NID2: variants seen among roughly 807,000 people sequenced by gnomAD.
NID2 encodes the protein nidogen-2.
In NID2, 83 loss-of-function variants were observed where a neutral mutation model predicts 145.4. The ratio of observed to expected loss-of-function variants is 0.57; its 90% CI spans 0.48 to 0.69. The LOEUF (loss-of-function observed/expected upper bound fraction) is 0.69, where lower values mean the gene tolerates loss of function less well. Among genes scored for constraint, NID2 ranks in the 30% least tolerant of loss-of-function variants. The probability of loss-of-function intolerance (pLI) is 0.00; values close to 1 mark genes in which losing one functional copy is unlikely to be tolerated. For synonymous variants in NID2, 739 were observed against 701.3 expected (o/e 1.05, Z -0.85); for missense variants, 1,807 against 1,765.7 (o/e 1.02, Z -0.42).
Position 52,063,772 on chromosome 14 carries a change from C to T in NID2, c.535-3416G>A, listed in dbSNP as rs545334925. ...AGTGTTTGCTGTGAACACTAACCTC[C>T]ATTCCTTAGTGTAGTTCTTCATCTC... is the stretch of plus-strand genomic sequence containing the variant. On this transcript the variant is annotated intron_variant, in intron 2 of 21. Transcript: ENST00000216286. Among the ~76,000 whole-genome samples the T allele has an allele frequency of 3.3e-5, 5 of 152,296 alleles. No homozygotes were observed. The East Asian group carries it at 9.7e-4, about 29-fold the overall frequency.
At chr14:52,011,083 C>T (rs763269503) in intron 17 of NID2, 36 bp from the exon 18 acceptor site, 1 of 1,601,444 alleles carries the variant, frequency 6.2e-7, no homozygotes, top group Non-Finnish European at 8.5e-7. Flanking sequence ...GGAGTGTTTG[C>T]AGGATATGGA....
Position 52,029,702 on chromosome 14 carries a change from GA to G in NID2, c.2258-13del. ...GGGGTCTGAATCCTCTGCATGAGTAGAGGGGAAATAAAAGCACAATCTGGCT... is the reference window on the plus strand; with the variant it reads ...GGGGTCTGAATCCTCTGCATGAGTAGGGGGAAATAAAAGCACAATCTGGCT... On this transcript the variant is annotated splice_polypyrimidine_tract_variant and intron_variant, in intron 9 of 21. Coordinates refer to ENST00000216286, the MANE Select transcript of NID2 (RefSeq NM_007361.4). The G allele has an allele frequency of 6.2e-7, 1 of 1,610,546 alleles. No individual in the cohort carries two copies.
chr14:52,029,737 G>A (rs1891732543), intron 9 of NID2, 47 bp from the exon 10 acceptor site: 1 of 1,565,120 alleles, frequency 6.4e-7, no homozygotes, highest in Non-Finnish European at 8.8e-7. Context: ...CTATTGGTAA[G>A]CAAATGTCAC....
At chr14:52,035,509 C>T (rs56021223) in intron 9 of NID2, among the ~76,000 whole-genome samples, 6,785 of 152,168 alleles carry the variant, frequency 0.045, 178 homozygotes, top group Middle Eastern at 0.082. Flanking sequence ...AATTTGAGAA[C>T]CACTGCTTAC....
At position 52,067,756 on chromosome 14, in the gene NID2, A is replaced by G. The variant is rs963899553; in HGVS notation, c.534+102T>C. The G allele has an allele frequency of 2.9e-6, 4 of 1,357,498 alleles. No homozygotes were observed. In the South Asian group the frequency reaches 4.8e-5, roughly 16 times the overall value. 84.1% of individuals were successfully genotyped at this position (1,357,498 alleles called of 1,614,324 possible). ...CCTCCAAGGTCAGGTTCAGCGCAAG[A>G]GTAGGCTCAGAAACAACTCCGAGCC... On this transcript the variant is annotated intron_variant, in intron 2 of 21. Transcript: ENST00000216286.
chr14:52,010,719 GGTCCT>G lies in NID2; in HGVS notation c.3722+152_3722+156del, dbSNP rs1331493589. The G allele has an allele frequency of 2.2e-5, 15 of 677,374 alleles. 1 individual carries two copies. The Admixed American group carries it at 4.2e-4, about 19-fold the overall frequency. 42.0% of individuals were successfully genotyped at this position (677,374 alleles called of 1,614,324 possible). Reference sequence around the variant, plus strand: ...ACAGACCTTGTCTTTTCCTAGAACAGGTCCTGACACCTCTTAGATCCTCAGTAAAT... The same window carrying G: ...ACAGACCTTGTCTTTTCCTAGAACAGGACACCTCTTAGATCCTCAGTAAAT... On this transcript the variant is annotated intron_variant, in intron 18 of 21. Coordinates refer to ENST00000216286, the MANE Select transcript of NID2 (RefSeq NM_007361.4).
At chr14:52,018,712 G>T (rs889636638) in intron 14 of NID2, among the ~76,000 whole-genome samples, 1 of 152,184 alleles carries the variant, frequency 6.6e-6, no homozygotes, top group East Asian at 1.9e-4. Flanking sequence ...TGGTCAAAAC[G>T]CCAGTCTGGC....
intron 9 of NID2, among the ~76,000 whole-genome samples, chr14:52,035,894 A>C (rs185708230): frequency 9.9e-4 from 132 of 133,582 alleles, no homozygotes; most frequent in African/African-American, 3.5e-3. Context: ...TATTTTGTAG[A>C]GACAGGGTTT....
In NID2 at chr14:52,011,009, G is replaced by A. The variant is rs370135512; in HGVS notation, c.3589C>T (p.Arg1197Cys). Residue 1197 changes from arginine (R) to cysteine (C), a missense_variant, in exon 18 of 22, where the codon CGC becomes TGC. By Grantham distance (180) the Arg-to-Cys change is radical. Transcript: ENST00000216286. ...CTGTCCGTCCAGTACATTGTTCTGC[G>A]GATGTGGTCTATGGCAAGTCCTTCA... ...SPEGLAIDHIRRTMYWTDSVL... is the reference protein window; with the variant it reads ...SPEGLAIDHICRTMYWTDSVL... 7.2e-5 allele frequency: 116 copies of A among 1,614,068 alleles called. No homozygotes were observed. Among genetic ancestry groups the A allele is most frequent in the Non-Finnish European group, 8.9e-5 (105 of 1,180,036 alleles).
chr14:52,007,590 A>C (rs1007162192), intron 19 of NID2: 11 of 529,650 alleles, frequency 2.1e-5, no homozygotes, highest in African/African-American at 5.9e-5. Flanking sequence ...TCAGGCAAGC[A>C]GTACAAACTT....
rs1056537238 is a variant in NID2, at chr14:52,006,066, C to G, written c.4005-217G>C. 4 of 543,758 alleles carry G rather than the reference C, an allele frequency of 7.4e-6. No individual in the cohort carries two copies. In the African/African-American group the frequency reaches 7.6e-5, roughly 10 times the overall value. The allele number at this position is 543,758 out of a possible 1,614,324, so 33.7% of individuals were successfully genotyped here. A position where few individuals can be genotyped will look rare whatever the true frequency, so the allele number is the denominator to read the frequency against. ...AGAATCACATGATGAGCTATCAAAT[C>G]AGAGTTGTAGGGCATGGTGTAAAGG... On this transcript the variant is annotated intron_variant, in intron 20 of 21. Transcript: ENST00000216286.
At chr14:52,043,109 A>G (rs1333462362) in intron 5 of NID2, among the ~76,000 whole-genome samples, 178 bp from the exon 6 acceptor site, 1 of 152,326 alleles carries the variant, frequency 6.6e-6, no homozygotes, top group South Asian at 2.1e-4. Flanking sequence ...TCTGCTGGCA[A>G]GAAGAATTGC....
At chr14:52,038,152 G>A (rs1217765423) in intron 9 of NID2, among the ~76,000 whole-genome samples, 1 of 151,338 alleles carries the variant, frequency 6.6e-6, no homozygotes, top group African/African-American at 2.4e-5. Context: ...AGTGGCAACA[G>A]CAGACATCCT....
intron 6 of NID2, 118 bp from the exon 7 acceptor site, chr14:52,042,468 T>C: frequency 7.7e-7 from 1 of 1,299,870 alleles, no homozygotes; most frequent in East Asian, 2.3e-5. Context: ...GTCACTTTAA[T>C]GATTTCCTAA....
At chr14:52,024,696 T>C (rs1203449784) in intron 12 of NID2, among the ~76,000 whole-genome samples, 1 of 152,178 alleles carries the variant, frequency 6.6e-6, no homozygotes, top group Admixed American at 6.5e-5. Flanking sequence ...GTTTGGCATA[T>C]TTTTAGTTTG....
chr14:52,049,262 G>A (rs1184843702), intron 5 of NID2, among the ~76,000 whole-genome samples: 1 of 151,872 alleles, frequency 6.6e-6, no homozygotes, highest in Non-Finnish European at 1.5e-5. Flanking sequence ...AGATATCAGA[G>A]GAAAGAAAGA....
Position 52,068,880 on chromosome 14 carries a change from G to T in NID2, c.115C>A (p.His39Asn), listed in dbSNP as rs1419348758. The change falls in exon 1 of 22, where the codon CAC becomes AAC. Residue 39 changes from histidine to asparagine, a missense_variant. Transcript: ENST00000216286. ...AALHPDELFP[H>N]GESWGDQLLQ... The stretch of plus-strand genomic sequence containing the variant: ...AGCTGGTCCCCCCACGACTCCCCGT[G>T]TGGGAAGAGCTCGTCTGGGTGCAGC... 6.2e-7 allele frequency: 1 copy of T among 1,613,934 alleles called. No homozygotes were observed. The highest frequency in any genetic ancestry group is 8.5e-7 in the Non-Finnish European group (1 of 1,180,052).
intron 2 of NID2, among the ~76,000 whole-genome samples, chr14:52,067,233 G>A (rs184651991): frequency 2.0e-5 from 3 of 151,590 alleles, no homozygotes; most frequent in Non-Finnish European, 4.4e-5. Context: ...CTATTATACA[G>A]GATAATAGCA....
intron 2 of NID2, among the ~76,000 whole-genome samples, chr14:52,065,919 G>C (rs1169793292): frequency 5.5e-5 from 8 of 144,786 alleles, no homozygotes; most frequent in African/African-American, 2.1e-4. Context: ...GGACATTTGG[G>C]TTGGTTCCAA....
Sources: allele counts gnomAD v4.1 joint callset (sites outside exome capture counted in the v4.1 genomes callset), GRCh38; gene constraint gnomAD v4.1.1; transcripts MANE v1.5; gene names NCBI Gene and HGNC (gene_info 2026-07-23, HGNC 2026-07-21).